DNER: variants seen among roughly 807,000 people sequenced by gnomAD.
The protein encoded by DNER is delta/notch like EGF repeat containing.
DNER carries 33 observed loss-of-function variants against 78.2 expected under a neutral mutation model. The ratio of observed to expected loss-of-function variants is 0.42; its 90% confidence interval spans 0.32 to 0.56. DNER has a LOEUF of 0.56. Among genes scored for constraint, DNER ranks in the 20% least tolerant of loss-of-function variants. The pLI is 0.11. For synonymous variants in DNER, 417 were observed against 384.8 expected (o/e 1.08, Z -0.98); for missense variants, 918 against 975.3 (o/e 0.94, Z 0.78).
chr2:229,641,425 C>G (rs1026902205), intron 1 of DNER, among the ~76,000 whole-genome samples: 5 of 151,978 alleles, frequency 3.3e-5, no homozygotes, highest in African/African-American at 9.7e-5. Context: ...GGAAAAGCTC[C>G]CAAAGAGTAC....
intron 5 of DNER, 84 bp from the exon 6 acceptor site, chr2:229,513,020 A>C: frequency 7.0e-7 from 1 of 1,422,428 alleles, no homozygotes. Context: ...GTTTGAAAGA[A>C]CCACTTCCTT....
intron 1 of DNER, among the ~76,000 whole-genome samples, chr2:229,698,609 G>T (rs208787): frequency 6.6e-6 from 1 of 152,064 alleles, no homozygotes; most frequent in Non-Finnish European, 1.5e-5. Context: ...AAGTTTGAAC[G>T]TAATGATAAC....
At chr2:229,432,889 G>A (rs1400810255) in intron 8 of DNER, among the ~76,000 whole-genome samples, 1 of 152,162 alleles carries the variant, frequency 6.6e-6, no homozygotes, top group African/African-American at 2.4e-5. Context: ...GTTGTCCAAG[G>A]AAAATGCTAC....
chr2:229,595,602 G>A (rs969558750), intron 1 of DNER, among the ~76,000 whole-genome samples: 1 of 152,160 alleles, frequency 6.6e-6, no homozygotes, highest in Non-Finnish European at 1.5e-5. Context: ...AAGTTTTACA[G>A]GCCCTCTGTC....
intron 8 of DNER, among the ~76,000 whole-genome samples, chr2:229,436,697 A>G (rs1255431866): frequency 6.6e-6 from 1 of 152,252 alleles, no homozygotes; most frequent in African/African-American, 2.4e-5. Context: ...CAGCCAATCT[A>G]AGCTTCATAA....
chr2:229,454,675 G>T (rs1694533542), intron 7 of DNER, among the ~76,000 whole-genome samples: 1 of 150,828 alleles, frequency 6.6e-6, no homozygotes, highest in South Asian at 2.1e-4. Context: ...AATGCTTGTA[G>T]AATTGAATAT....
At chr2:229,535,195 T>A (rs1157306177) in intron 5 of DNER, among the ~76,000 whole-genome samples, 3 of 152,174 alleles carry the variant, frequency 2.0e-5, no homozygotes, top group Non-Finnish European at 4.4e-5. Flanking sequence ...TATAACCCAA[T>A]CGACAAAAGC....
intron 1 of DNER, among the ~76,000 whole-genome samples, chr2:229,696,600 T>A (rs1699665311): frequency 6.6e-6 from 1 of 152,046 alleles, no homozygotes; most frequent in Admixed American, 6.6e-5. Context: ...ACCACAGGAG[T>A]TAGCATAAGG....
chr2:229,623,530 C>T, intron 1 of DNER, among the ~76,000 whole-genome samples: 1 of 152,190 alleles, frequency 6.6e-6, no homozygotes, highest in Non-Finnish European at 1.5e-5. Context: ...GCTACTTGTC[C>T]TTAGGGGAGG....
chr2:229,477,017 A>T, intron 7 of DNER, 123 bp downstream of exon 7: 2 of 728,344 alleles, frequency 2.7e-6, no homozygotes, highest in Admixed American at 3.2e-5. Context: ...TTTGTTTTAT[A>T]AATCAAACAA....
chr2:229,672,862 T>G (rs1353785419), intron 1 of DNER, among the ~76,000 whole-genome samples: 1 of 152,076 alleles, frequency 6.6e-6, no homozygotes, highest in Non-Finnish European at 1.5e-5. Context: ...TCTAGAAGGG[T>G]CTACAGGATC....
chr2:229,601,305 C>A (rs1273508176), intron 1 of DNER, among the ~76,000 whole-genome samples: 1 of 151,996 alleles, frequency 6.6e-6, no homozygotes, highest in Non-Finnish European at 1.5e-5. Context: ...ATTCCAACAC[C>A]AACTGCTTAC....
intron 1 of DNER, among the ~76,000 whole-genome samples, chr2:229,682,917 TG>T (rs759779783): frequency 8.6e-4 from 131 of 152,308 alleles, no homozygotes; most frequent in Non-Finnish European, 7.5e-4. Flanking sequence ...AAGTCAAGAC[TG>T]GTTATCAGCA....
chr2:229,563,002 T>C (rs1316245720), intron 4 of DNER, among the ~76,000 whole-genome samples: 1 of 150,494 alleles, frequency 6.6e-6, no homozygotes, highest in Non-Finnish European at 1.5e-5. Context: ...ATCATCAACA[T>C]CATCACCCCA....
chr2:229,573,983 TG>T (rs1697255210), intron 4 of DNER, among the ~76,000 whole-genome samples: 1 of 152,222 alleles, frequency 6.6e-6, no homozygotes, highest in Non-Finnish European at 1.5e-5. Flanking sequence ...TTCTGAAAAC[TG>T]TTAATGATCA....
intron 6 of DNER, among the ~76,000 whole-genome samples, chr2:229,486,957 A>G (rs1410814973): frequency 6.6e-6 from 1 of 152,244 alleles, no homozygotes; most frequent in African/African-American, 2.4e-5. Flanking sequence ...TACAAGGTAC[A>G]TGCTAGAGTT....
intron 10 of DNER, among the ~76,000 whole-genome samples, chr2:229,406,524 G>T (rs1165483899): frequency 6.6e-6 from 1 of 152,134 alleles, no homozygotes; most frequent in East Asian, 1.9e-4. Context: ...AAAGTTAAAA[G>T]CCTGAGAGAT....
rs1574803181 is a variant in DNER, at chr2:229,358,792, C to T, written c.2103-141G>A. 8.8e-5 allele frequency: 59 copies of T among 670,754 alleles called. No homozygotes were observed. In the East Asian group the frequency reaches 1.6e-3, roughly 19 times the overall value. 41.6% of individuals were successfully genotyped at this position (670,754 alleles called of 1,614,324 possible). On this transcript the variant is annotated intron_variant, in intron 12 of 12. Transcript: ENST00000341772. ...CTATAGCAAGCATAGAAACTTTAGA[C>T]ATCCTAATATTAACACTGAATGTGT...
intron 5 of DNER, among the ~76,000 whole-genome samples, chr2:229,544,131 C>G (rs1005059181): frequency 2.0e-5 from 3 of 152,138 alleles, no homozygotes; most frequent in Non-Finnish European, 4.4e-5. Context: ...TTATTTTACC[C>G]CTCCCTAGCC....
Sources: gnomAD v4.1 joint callset for allele counts (sites outside exome capture counted in the v4.1 genomes callset) on GRCh38, gnomAD v4.1.1 for gene constraint, MANE v1.5 for transcripts, NCBI Gene and HGNC (gene_info 2026-07-23, HGNC 2026-07-21) for gene names.